Variants in CNTN4 observed in about 807,000 individuals in gnomAD.
The protein encoded by CNTN4 is contactin-4.
A neutral mutation model predicts 122.5 loss-of-function variants in CNTN4; 77 were observed. The ratio of observed to expected loss-of-function variants is 0.63; its 90% CI spans 0.52 to 0.76. The LOEUF is 0.76. Among genes scored for constraint, CNTN4 ranks in the 30% least tolerant of loss-of-function variants. The pLI is 0.00. For missense variants in CNTN4, 1,256 were observed against 1,259.1 expected (o/e 1.00, Z 0.04); for synonymous variants, 512 against 447.0 (o/e 1.15, Z -1.83).
intron 13 of CNTN4, among the ~76,000 whole-genome samples, chr3:2,970,278 G>A (rs1195380220): frequency 1.3e-5 from 2 of 151,508 alleles, no homozygotes; most frequent in Non-Finnish European, 2.9e-5. Flanking sequence ...CATATTTTTT[G>A]TAGAAACAGG....
At chr3:2,458,625 A>ATT (rs36109164) in intron 3 of CNTN4, among the ~76,000 whole-genome samples, 5 of 151,480 alleles carry the variant, frequency 3.3e-5, no homozygotes, top group Non-Finnish European at 5.9e-5. Context: ...AGAATGTGCG[A>ATT]TTTTTTTTTC....
chr3:2,175,442 T>C (rs1255120106), intron 2 of CNTN4, among the ~76,000 whole-genome samples: 3 of 152,378 alleles, frequency 2.0e-5, no homozygotes, highest in African/African-American at 7.2e-5. Flanking sequence ...TCCATTGTTA[T>C]GACATGCATT....
intron 4 of CNTN4, among the ~76,000 whole-genome samples, chr3:2,682,910 G>A (rs894687816): frequency 2.0e-5 from 3 of 147,490 alleles, no homozygotes; most frequent in Admixed American, 6.8e-5. Context: ...TCACGGAGTA[G>A]ATTTTCTCTG....
chr3:2,819,477 T>C lies in CNTN4; in HGVS notation c.359-9T>C, dbSNP rs999945370. 1.0e-5 allele frequency: 16 copies of C among 1,606,610 alleles called. No homozygotes were observed. In the African/African-American group the frequency reaches 1.9e-4, roughly 19 times the overall value. On this transcript the variant is annotated splice_polypyrimidine_tract_variant and intron_variant, in intron 6 of 24. Transcript: ENST00000418658. Reference sequence around the variant, plus strand: ...GTTTAAATGCTTTTTCCCATATTTCTCCCAACAGATCTTGACAACTTTAAA... The same window carrying C: ...GTTTAAATGCTTTTTCCCATATTTCCCCCAACAGATCTTGACAACTTTAAA...
At chr3:2,124,635 ATGG>A (rs1175421290) in intron 2 of CNTN4, among the ~76,000 whole-genome samples, 2 of 151,926 alleles carry the variant, frequency 1.3e-5, no homozygotes, top group South Asian at 2.1e-4. Context: ...ACATCTGGGC[ATGG>A]TGGTGCATGA....
At chr3:2,153,869 T>C (rs920145631) in intron 2 of CNTN4, among the ~76,000 whole-genome samples, 1 of 152,106 alleles carries the variant, frequency 6.6e-6, no homozygotes, top group Non-Finnish European at 1.5e-5. Context: ...GTAATGGTAT[T>C]AGGTAGACAG....
intron 4 of CNTN4, among the ~76,000 whole-genome samples, chr3:2,697,042 C>G (rs529148178): frequency 6.6e-6 from 1 of 152,348 alleles, no homozygotes; most frequent in East Asian, 1.9e-4. Context: ...AAAGCTCACC[C>G]TGCCTATTCT....
rs190420433 is a variant in CNTN4 at position 2,671,341 on chromosome 3, G to T, written c.56-64874G>T. On this transcript the variant is annotated intron_variant, in intron 4 of 24. Coordinates refer to ENST00000418658, the MANE Select transcript of CNTN4 (RefSeq NM_175607.3). The stretch of plus-strand genomic sequence containing the variant: ...TCTTCTCACTTCATTTCACTCATTT[G>T]ATCTTCCATCACTGATACCCTTTCT... Among the ~76,000 whole-genome samples, 82 of 151,822 alleles carry T rather than the reference G, an allele frequency of 5.4e-4. No homozygotes were observed. In the South Asian group the frequency reaches 9.2e-3, roughly 17 times the overall value.
chr3:2,785,891 C>A (rs1257784830), intron 6 of CNTN4, among the ~76,000 whole-genome samples: 1 of 16,954 alleles, frequency 5.9e-5, no homozygotes, highest in Non-Finnish European at 1.3e-4. Context: ...CCCTGGCCCA[C>A]GCTGCCCCCC....
chr3:2,840,093 A>C (rs1271194726), intron 7 of CNTN4, among the ~76,000 whole-genome samples: 1 of 152,164 alleles, frequency 6.6e-6, no homozygotes, highest in Non-Finnish European at 1.5e-5. Flanking sequence ...CACCACACTC[A>C]GGGAAGCCCA....
chr3:2,196,793 C>A (rs555717566), intron 2 of CNTN4, among the ~76,000 whole-genome samples: 30 of 151,696 alleles, frequency 2.0e-4, no homozygotes, highest in African/African-American at 7.0e-4. Flanking sequence ...TCCTGTAATC[C>A]CAGCACTTTG....
rs545737722 is a variant in CNTN4 at position 2,567,156 on chromosome 3, G to A, written c.-88-4260G>A. On this transcript the variant is annotated intron_variant, in intron 3 of 24. Coordinates refer to ENST00000418658, the MANE Select transcript of CNTN4 (RefSeq NM_175607.3). ...CTGGAGTGCAGTGATGCACGATCTC[G>A]GCTCACTGCAACCTCCGCCTCCTGG... Among the ~76,000 whole-genome samples, 97 of 149,288 alleles carry A rather than the reference G, an allele frequency of 6.5e-4. 1 individual carries two copies. The highest frequency in any genetic ancestry group is 9.9e-4 in the Non-Finnish European group (67 of 67,746).
intron 2 of CNTN4, among the ~76,000 whole-genome samples, chr3:2,252,673 A>C (rs1187911502): frequency 2.0e-5 from 3 of 152,082 alleles, no homozygotes; most frequent in African/African-American, 7.2e-5. Flanking sequence ...TCTACTATGA[A>C]ACTTAACTCA....
chr3:2,490,247 T>C (rs796661675), intron 3 of CNTN4, among the ~76,000 whole-genome samples: 8 of 152,250 alleles, frequency 5.3e-5, no homozygotes, highest in African/African-American at 1.9e-4. Flanking sequence ...TTTCTGCCGG[T>C]GTAGGCTGCA....
intron 2 of CNTN4, among the ~76,000 whole-genome samples, chr3:2,328,601 G>A (rs1387222588): frequency 6.6e-6 from 1 of 151,908 alleles, no homozygotes; most frequent in Non-Finnish European, 1.5e-5. Context: ...GTATACAGTT[G>A]GCCCTCCATA....
intron 3 of CNTN4, among the ~76,000 whole-genome samples, chr3:2,538,832 T>C (rs2077916716): frequency 6.6e-6 from 1 of 151,868 alleles, no homozygotes; most frequent in South Asian, 2.1e-4. Context: ...CTATTTCTAA[T>C]ATACATATAT....
chr3:2,955,682 G>T (rs2124921855), intron 13 of CNTN4, among the ~76,000 whole-genome samples: 1 of 152,284 alleles, frequency 6.6e-6, no homozygotes, highest in East Asian at 1.9e-4. Flanking sequence ...ACATTTAGTA[G>T]TGGAGCCTAC....
intron 3 of CNTN4, among the ~76,000 whole-genome samples, chr3:2,492,913 A>C (rs959351821): frequency 6.6e-6 from 1 of 152,198 alleles, no homozygotes; most frequent in South Asian, 2.1e-4. Context: ...AAGATACCAC[A>C]AAGACTTGAT....
intron 6 of CNTN4, among the ~76,000 whole-genome samples, 192 bp downstream of exon 6, chr3:2,745,889 C>T (rs1473024217): frequency 6.6e-6 from 1 of 152,018 alleles, no homozygotes; most frequent in Non-Finnish European, 1.5e-5. Context: ...AAGATGTATT[C>T]TTCTACTTCG....
Sources: gnomAD v4.1 joint callset for allele counts (sites outside exome capture counted in the v4.1 genomes callset) on GRCh38, gnomAD v4.1.1 for gene constraint, MANE v1.5 for transcripts, NCBI Gene and HGNC (gene_info 2026-07-23, HGNC 2026-07-21) for gene names.